MYO10: variants seen among roughly 807,000 people sequenced by gnomAD.
MYO10 encodes unconventional myosin-X.
MYO10 carries 133 observed loss-of-function variants against 257.3 expected under a neutral mutation model. The observed-to-expected ratio is 0.52, with a 90% confidence interval of 0.45 to 0.60. MYO10 has a LOEUF of 0.60. Ranked by LOEUF, MYO10 falls within the 20% of genes least tolerant of loss-of-function variation. The probability of loss-of-function intolerance (pLI) is 0.00; values close to 1 mark genes in which losing one functional copy is unlikely to be tolerated. For missense variants in MYO10, 2,399 were observed against 2,635.7 expected (o/e 0.91, Z 1.97); for synonymous variants, 1,104 against 1,028.6 (o/e 1.07, Z -1.40).
In MYO10 at chr5:16,740,064, G is replaced by A. The variant is rs74329899; in HGVS notation, c.1929+14764C>T. Among the ~76,000 whole-genome samples, 423 of 152,282 alleles carry A rather than the reference G, an allele frequency of 2.8e-3. 3 individuals carry two copies. Among genetic ancestry groups the A allele is most frequent in the African/African-American group, 9.5e-3 (394 of 41,564 alleles). Reference sequence around the variant, plus strand: ...AGTGCTGAAGAGCTAATGAAGCAGAGTGGACCATCTGCACAGATGAGAGAA... The same window carrying A: ...AGTGCTGAAGAGCTAATGAAGCAGAATGGACCATCTGCACAGATGAGAGAA... On this transcript the variant is annotated intron_variant, in intron 19 of 40. Coordinates refer to ENST00000513610, the MANE Select transcript of MYO10 (RefSeq NM_012334.3).
At chr5:16,831,235 A>G (rs1244939751) in intron 2 of MYO10, among the ~76,000 whole-genome samples, 1 of 152,212 alleles carries the variant, frequency 6.6e-6, no homozygotes, top group Admixed American at 6.5e-5. Flanking sequence ...GTTGTCATGG[A>G]TGCGGTGAAC....
At chr5:16,748,103 T>C (rs1029159901) in intron 19 of MYO10, among the ~76,000 whole-genome samples, 1 of 152,294 alleles carries the variant, frequency 6.6e-6, no homozygotes, top group South Asian at 2.1e-4. Context: ...CAGGTCTCAC[T>C]GTGTTGCACA....
chr5:16,912,802 G>GCACACACACA (rs70943817), intron 1 of MYO10, among the ~76,000 whole-genome samples: 1,659 of 111,612 alleles, frequency 0.015, 45 homozygotes, highest in African/African-American at 0.022. Flanking sequence ...CTACCACCCT[G>GCACACACACA]CACACACACA....
chr5:16,739,877 G>A (rs1739952913), intron 19 of MYO10, among the ~76,000 whole-genome samples: 2 of 152,078 alleles, frequency 1.3e-5, no homozygotes, highest in South Asian at 4.1e-4. Context: ...AGTAAGAATC[G>A]TCTTTATATT....
intron 4 of MYO10, among the ~76,000 whole-genome samples, chr5:16,785,006 C>CT (rs1741533361): frequency 6.6e-6 from 1 of 151,914 alleles, no homozygotes; most frequent in Non-Finnish European, 1.5e-5. Flanking sequence ...GAGGTTTGCG[C>CT]GCACACACAC....
At chr5:16,807,536 T>G (rs971681321) in intron 3 of MYO10, among the ~76,000 whole-genome samples, 2 of 152,136 alleles carry the variant, frequency 1.3e-5, no homozygotes, top group African/African-American at 4.8e-5. Context: ...ACAGCTTTCA[T>G]GAGTCCGTTC....
chr5:16,828,682 G>C lies in MYO10; in HGVS notation c.121-10515C>G, dbSNP rs540492121. ...CCTTCAAAGGAGAGGGCAGGGTAGA[G>C]AGGAGGAAGGACAAGCTGATTTTGC... On this transcript the variant is annotated intron_variant, in intron 2 of 40. Coordinates refer to ENST00000513610, the MANE Select transcript of MYO10 (RefSeq NM_012334.3). 4.4e-4 allele frequency among the ~76,000 whole-genome samples: 66 copies of C among 151,612 alleles called. 1 individual carries two copies. Among genetic ancestry groups the C allele is most frequent in the Middle Eastern group, 6.9e-3 (2 of 288 alleles).
chr5:16,831,700 A>G (rs1303330586), intron 2 of MYO10, among the ~76,000 whole-genome samples: 2 of 152,132 alleles, frequency 1.3e-5, no homozygotes, highest in South Asian at 2.1e-4. Context: ...GAATGACACA[A>G]TGGACTTTGG....
In MYO10 at chr5:16,687,476, G is replaced by A. The variant is rs138341534; in HGVS notation, c.3897-1645C>T. ...GAGCGCTATCAAATATGAAAGAGACGCTAGGGTATCCTTCTCCTGCTGGGG... is the reference window on the plus strand; with the variant it reads ...GAGCGCTATCAAATATGAAAGAGACACTAGGGTATCCTTCTCCTGCTGGGG... On this transcript the variant is annotated intron_variant, in intron 28 of 40. Coordinates refer to ENST00000513610, the MANE Select transcript of MYO10 (RefSeq NM_012334.3). Among the ~76,000 whole-genome samples the A allele has an allele frequency of 2.4e-4, 36 of 151,054 alleles. 1 individual carries two copies. The East Asian group carries it at 6.3e-3, about 26-fold the overall frequency.
chr5:16,714,557 C>G (rs899495350), intron 19 of MYO10, among the ~76,000 whole-genome samples: 1 of 152,168 alleles, frequency 6.6e-6, no homozygotes, highest in Non-Finnish European at 1.5e-5. Context: ...TGGGTATATT[C>G]TGATACCACG....
chr5:16,916,405 T>TAAAAAAAAAAAAAAAA (rs71596001), intron 1 of MYO10: 1 of 104,260 alleles, frequency 9.6e-6, no homozygotes, highest in African/African-American at 3.6e-5. Flanking sequence ...AGCCATGAAG[T>TAAAAAAAAAAAAAAAA]AAAAAAAAAA....
At chr5:16,770,094 T>C (rs1741000257) in intron 9 of MYO10, among the ~76,000 whole-genome samples, 1 of 152,036 alleles carries the variant, frequency 6.6e-6, no homozygotes, top group Non-Finnish European at 1.5e-5. Flanking sequence ...TAGCCAGGTG[T>C]GTTGGTGCAC....
At chr5:16,778,730 T>G (rs567099036) in intron 9 of MYO10, among the ~76,000 whole-genome samples, 29 of 135,698 alleles carry the variant, frequency 2.1e-4, no homozygotes, top group East Asian at 6.9e-4. Flanking sequence ...TCTCGCTGTC[T>G]CCCAGGCTGG....
intron 10 of MYO10, among the ~76,000 whole-genome samples, chr5:16,767,686 C>A (rs1366644014): frequency 6.7e-6 from 1 of 150,270 alleles, no homozygotes; most frequent in East Asian, 2.0e-4. Context: ...GAAGTTTTCA[C>A]TTTTTTTTTG....
At chr5:16,681,823 G>A (rs370656938) in intron 31 of MYO10, 48 bp downstream of exon 31, 2 of 1,583,604 alleles carry the variant, frequency 1.3e-6, no homozygotes, top group Non-Finnish European at 1.7e-6. Flanking sequence ...TATGCAAATG[G>A]AAAGGGGAGT....
intron 3 of MYO10, among the ~76,000 whole-genome samples, chr5:16,796,206 A>ACAGAGAG (rs36168599): frequency 1.6e-5 from 2 of 122,278 alleles, no homozygotes; most frequent in East Asian, 4.7e-4. Flanking sequence ...AAAAAAAAGA[A>ACAGAGAG]AGAACAGAGA....
chr5:16,723,387 CA>C (rs200947901), intron 19 of MYO10, among the ~76,000 whole-genome samples: 4 of 146,844 alleles, frequency 2.7e-5, no homozygotes, highest in African/African-American at 5.0e-5. Flanking sequence ...GACTCTGTCT[CA>C]AAAAAAAAGA....
chr5:16,775,531 G>A (rs1741187009), intron 9 of MYO10, among the ~76,000 whole-genome samples: 1 of 152,110 alleles, frequency 6.6e-6, no homozygotes, highest in South Asian at 2.1e-4. Context: ...CTGGGCTCAG[G>A]TAATCCTCAC....
At chr5:16,689,548 G>A (rs946370691) in intron 28 of MYO10, among the ~76,000 whole-genome samples, 1 of 151,860 alleles carries the variant, frequency 6.6e-6, no homozygotes, top group African/African-American at 2.4e-5. Context: ...ACACGCTACC[G>A]GTGACAGTAA....
Sources: gnomAD v4.1 joint callset for allele counts (sites outside exome capture counted in the v4.1 genomes callset) on GRCh38, gnomAD v4.1.1 for gene constraint, MANE v1.5 for transcripts, NCBI Gene and HGNC (gene_info 2026-07-23, HGNC 2026-07-21) for gene names.